RASSF3: variants seen among roughly 807,000 people sequenced by gnomAD.
RASSF3 encodes the protein Ras association domain family member 3.
A neutral mutation model predicts 19.9 loss-of-function variants in RASSF3; 19 were observed. The observed-to-expected ratio is 0.96, with a 90% CI of 0.67 to 1.40. RASSF3 has a LOEUF of 1.40. RASSF3 is among the 40% of genes most tolerant of loss of function. The probability of loss-of-function intolerance (pLI) is 0.00; values close to 1 mark genes in which losing one functional copy is unlikely to be tolerated. For missense variants in RASSF3, 306 were observed against 289.8 expected, an observed-to-expected ratio of 1.06 and a Z score of -0.41; for synonymous variants, 110 against 104.2, an observed-to-expected ratio of 1.06 and a Z score of -0.34.
chr12:64,686,940 G>A (rs1054873867), intron 2 of RASSF3, among the ~76,000 whole-genome samples: 1 of 152,250 alleles, frequency 6.6e-6, no homozygotes, highest in Non-Finnish European at 1.5e-5. Flanking sequence ...GCATTTATAT[G>A]TAACACTTGA....
chr12:64,650,408 CTTTTTTTTTTTTT>C (rs67304103), intron 1 of RASSF3, among the ~76,000 whole-genome samples: 312 of 85,482 alleles, frequency 3.6e-3, no homozygotes, highest in Middle Eastern at 0.011. Context: ...TTTTTTTTTC[CTTTTTTTTTTTTT>C]TTTTTTTTTT....
intron 1 of RASSF3, among the ~76,000 whole-genome samples, chr12:64,642,915 G>A (rs1871595734): frequency 6.6e-6 from 1 of 150,958 alleles, no homozygotes; most frequent in African/African-American, 2.4e-5. Flanking sequence ...GCCCAAGCTG[G>A]AATGCAGTGG....
chr12:64,626,099 A>AT (rs1047139661), intron 1 of RASSF3, among the ~76,000 whole-genome samples: 7 of 152,112 alleles, frequency 4.6e-5, no homozygotes, highest in Non-Finnish European at 7.3e-5. Flanking sequence ...CACTGTGAAG[A>AT]TTTTTAATAG....
At chr12:64,627,203 A>G (rs977334046) in intron 1 of RASSF3, among the ~76,000 whole-genome samples, 6 of 152,234 alleles carry the variant, frequency 3.9e-5, no homozygotes, top group Non-Finnish European at 7.3e-5. Flanking sequence ...TTAATGACAC[A>G]TTCTCAGTCG....
At chr12:64,618,000 T>G (rs978470079) in intron 1 of RASSF3, among the ~76,000 whole-genome samples, 3 of 152,218 alleles carry the variant, frequency 2.0e-5, no homozygotes, top group Non-Finnish European at 4.4e-5. Flanking sequence ...AAATGTTTTT[T>G]AAATAACTTC....
chr12:64,612,462 A>G (rs1304833683), intron 1 of RASSF3, among the ~76,000 whole-genome samples: 2 of 144,862 alleles, frequency 1.4e-5, no homozygotes, highest in African/African-American at 5.1e-5. Flanking sequence ...TTCTAGGTTT[A>G]TATGCATTTA....
chr12:64,694,851 G>A lies in RASSF3; in HGVS notation c.656G>A (p.Arg219His), dbSNP rs370095490. The change falls in exon 5 of 5, where the codon CGC becomes CAC. Residue 219 changes from arginine to histidine, a missense_variant. Transcript: ENST00000542104. ...GAACAGCTGCAGAACCTGAAGAGGC[G>A]CTACACAGCCTACAGGCAGAAGCTG... ...EDEQLQNLKR[R>H]YTAYRQKLEE... 275 of 1,614,216 alleles carry A rather than the reference G, an allele frequency of 1.7e-4. 1 individual carries two copies. In the South Asian group the frequency reaches 2.3e-3, roughly 14 times the overall value.
Position 64,688,234 on chromosome 12 carries a change from A to T in RASSF3, c.238A>T (p.Thr80Ser), listed in dbSNP as rs773514567. 1.2e-6 allele frequency: 2 copies of T among 1,613,824 alleles called. No individual in the cohort carries two copies. The highest frequency in any genetic ancestry group is 3.3e-5 in the Admixed American group (2 of 60,024). Residue 80 changes from threonine to serine, a missense_variant, in exon 3 of 5, where the codon ACT becomes TCT. By Grantham distance (58) the Thr-to-Ser change is moderately conservative. Transcript: ENST00000542104. ...KMTLNSNGIYTGFIKVQMELC... is the reference protein window; with the variant it reads ...KMTLNSNGIYSGFIKVQMELC... The stretch of plus-strand genomic sequence containing the variant: ...GCTTCAGAATTCAAATGGGATTTAC[A>T]CTGGCTTCATTAAAGTACAGATGGA...
chr12:64,685,887 C>T (rs1447655359), intron 2 of RASSF3, among the ~76,000 whole-genome samples: 1 of 152,290 alleles, frequency 6.6e-6, no homozygotes, highest in African/African-American at 2.4e-5. Context: ...ACTTGTCAGC[C>T]CTTGGCGCCA....
At chr12:64,606,140 C>T (rs7315135), upstream of RASSF3, among the ~76,000 whole-genome samples, 917 of 151,990 alleles carry the variant, frequency 6.0e-3, 8 homozygotes, top group African/African-American at 0.021. Context: ...GGAACATCTT[C>T]CTAAAAGGCA....
chr12:64,552,871 C>T (rs1475427948), intron 2 of RASSF3, among the ~76,000 whole-genome samples: 1 of 151,844 alleles, frequency 6.6e-6, no homozygotes, highest in African/African-American at 2.4e-5. Flanking sequence ...GGCTGGAGTG[C>T]AATGGCGCAA....
intron 1 of RASSF3, among the ~76,000 whole-genome samples, chr12:64,634,110 G>A (rs979077812): frequency 2.0e-5 from 3 of 152,068 alleles, no homozygotes; most frequent in Admixed American, 6.6e-5. Context: ...TCCAGCCTGG[G>A]TGACAGCCAG....
intron 1 of RASSF3, among the ~76,000 whole-genome samples, chr12:64,633,149 G>A (rs1871220281): frequency 1.3e-5 from 2 of 152,112 alleles, no homozygotes; most frequent in Non-Finnish European, 2.9e-5. Context: ...GGACTGACAG[G>A]GACTAGCTGG....
upstream of RASSF3, chr12:64,609,502 A>G (rs1050461146): frequency 4.6e-5 from 7 of 152,378 alleles, no homozygotes; most frequent in African/African-American, 1.7e-4. Flanking sequence ...TGCAGCTTCA[A>G]AAAAACCTTT....
intron 1 of RASSF3, among the ~76,000 whole-genome samples, chr12:64,519,787 C>T (rs1175382172): frequency 6.6e-6 from 1 of 151,756 alleles, no homozygotes; most frequent in African/African-American, 2.4e-5. Flanking sequence ...TGTATATAAA[C>T]ACGTATATAT....
At chr12:64,651,124 C>T (rs1482553099) in intron 1 of RASSF3, among the ~76,000 whole-genome samples, 1 of 152,110 alleles carries the variant, frequency 6.6e-6, no homozygotes, top group East Asian at 1.9e-4. Context: ...TATGTTACTG[C>T]ATTTCAGACA....
At chr12:64,606,505 A>G (rs1161371355), upstream of RASSF3, among the ~76,000 whole-genome samples, 3 of 152,156 alleles carry the variant, frequency 2.0e-5, no homozygotes, top group Non-Finnish European at 4.4e-5. Flanking sequence ...TGTCATCCCC[A>G]TTTTGCTGCT....
chr12:64,668,800 G>A (rs1872607154), intron 1 of RASSF3, among the ~76,000 whole-genome samples: 1 of 150,450 alleles, frequency 6.6e-6, no homozygotes. Flanking sequence ...TCCTGCCTCA[G>A]CGTTGTGAGT....
intron 2 of RASSF3, among the ~76,000 whole-genome samples, chr12:64,547,834 AT>A (rs1565837095): frequency 6.6e-6 from 1 of 152,174 alleles, no homozygotes; most frequent in Non-Finnish European, 1.5e-5. Flanking sequence ...TATAAAAACA[AT>A]GCATGATTAT....
Sources: gnomAD v4.1 joint callset for allele counts (sites outside exome capture counted in the v4.1 genomes callset) on GRCh38, gnomAD v4.1.1 for gene constraint, MANE v1.5 for transcripts, NCBI Gene and HGNC (gene_info 2026-07-23, HGNC 2026-07-21) for gene names.